DOK6: variants seen among roughly 807,000 people sequenced by gnomAD.
DOK6 encodes the protein docking protein 6.
In DOK6, 22 loss-of-function variants were observed where a neutral mutation model predicts 44.0. That is an observed-to-expected ratio of 0.50 (90% CI 0.36 to 0.71). DOK6 has a LOEUF of 0.71. DOK6 is among the 30% of genes least tolerant of loss of function. The probability of loss-of-function intolerance (pLI) is 0.00; values close to 1 mark genes in which losing one functional copy is unlikely to be tolerated. For missense variants in DOK6, 340 were observed against 416.4 expected, an observed-to-expected ratio of 0.82 and a Z score of 1.60; for synonymous variants, 166 against 145.5, an observed-to-expected ratio of 1.14 and a Z score of -1.01.
chr18:69,735,918 G>A lies in DOK6; in HGVS notation c.600-3047G>A, dbSNP rs1978590175. Among the ~76,000 whole-genome samples the A allele has an allele frequency of 2.6e-5, 4 of 152,174 alleles. No individual in the cohort carries two copies. The South Asian group carries it at 8.3e-4, about 31-fold the overall frequency. ...GTGCCTGCTAAGTTAACCCCTTCCT[G>A]CCCACTATCACATATATTACTTCAT... On this transcript the variant is annotated intron_variant, in intron 5 of 7. Transcript: ENST00000382713.
At chr18:69,556,200 T>C (rs1982681427) in intron 1 of DOK6, among the ~76,000 whole-genome samples, 1 of 152,178 alleles carries the variant, frequency 6.6e-6, no homozygotes, top group Admixed American at 6.6e-5. Context: ...TGTCCCTGTC[T>C]CTCTCAACTC....
chr18:69,605,961 G>A (rs987441219), intron 3 of DOK6, among the ~76,000 whole-genome samples: 5 of 151,976 alleles, frequency 3.3e-5, no homozygotes, highest in Non-Finnish European at 7.4e-5. Context: ...TTTTGAAGGC[G>A]ACATGATTGT....
chr18:69,793,185 G>A (rs1980648775), intron 7 of DOK6, among the ~76,000 whole-genome samples: 1 of 152,076 alleles, frequency 6.6e-6, no homozygotes, highest in African/African-American at 2.4e-5. Flanking sequence ...TTGACTTATA[G>A]TTTTCTGGTG....
chr18:69,431,748 C>T (rs527681942), intron 1 of DOK6, among the ~76,000 whole-genome samples: 1 of 151,948 alleles, frequency 6.6e-6, no homozygotes, highest in Non-Finnish European at 1.5e-5. Context: ...TTGAAATCTC[C>T]CCACCCCATG....
chr18:69,506,751 A>G (rs1981198617), intron 1 of DOK6, among the ~76,000 whole-genome samples: 1 of 152,090 alleles, frequency 6.6e-6, no homozygotes, highest in Non-Finnish European at 1.5e-5. Flanking sequence ...TTCTTGATAA[A>G]TACCCAGACG....
chr18:69,802,332 C>T (rs558952667), intron 7 of DOK6, among the ~76,000 whole-genome samples: 3 of 152,248 alleles, frequency 2.0e-5, no homozygotes, highest in East Asian at 1.9e-4. Flanking sequence ...CGGTACGCTC[C>T]TTGACTGATA....
At chr18:69,640,748 T>C (rs1222271564) in intron 3 of DOK6, among the ~76,000 whole-genome samples, 1 of 152,158 alleles carries the variant, frequency 6.6e-6, no homozygotes, top group Non-Finnish European at 1.5e-5. Context: ...CAAGACCATA[T>C]AAGGAAATAA....
rs571086455 is a variant in DOK6, at chr18:69,813,300, T to G, written c.857-27944T>G. ...AGGGAAAAATATACATGTAATTAAT[T>G]GAAAGTTGTCACTGTGTGGGAGTTT... is the stretch of plus-strand genomic sequence containing the variant. On this transcript the variant is annotated intron_variant, in intron 7 of 7. Coordinates refer to ENST00000382713, the MANE Select transcript of DOK6 (RefSeq NM_152721.6). Among the ~76,000 whole-genome samples, 9 of 152,308 alleles carry G rather than the reference T, an allele frequency of 5.9e-5. No individual in the cohort carries two copies. The South Asian group carries it at 1.9e-3, about 32-fold the overall frequency.
chr18:69,623,336 A>G (rs2144640089), intron 3 of DOK6, among the ~76,000 whole-genome samples: 1 of 152,296 alleles, frequency 6.6e-6, no homozygotes, highest in South Asian at 2.1e-4. Flanking sequence ...ACAGACTAAT[A>G]CACCACACTT....
chr18:69,642,856 T>G (rs1331969184), intron 3 of DOK6, among the ~76,000 whole-genome samples: 2 of 152,234 alleles, frequency 1.3e-5, no homozygotes, highest in African/African-American at 2.4e-5. Flanking sequence ...AACTTTCTTT[T>G]TGTAATTAAT....
chr18:69,418,293 T>C (rs550670695), intron 1 of DOK6, among the ~76,000 whole-genome samples: 3 of 152,250 alleles, frequency 2.0e-5, no homozygotes, highest in African/African-American at 7.2e-5. Flanking sequence ...TTTTGGTGTT[T>C]GTTTTTGACT....
intron 1 of DOK6, among the ~76,000 whole-genome samples, chr18:69,427,678 C>T (rs772756366): frequency 1.9e-4 from 29 of 152,066 alleles, no homozygotes; most frequent in Non-Finnish European, 3.8e-4. Context: ...CAGCACTATT[C>T]ACAACAGCAA....
At chr18:69,415,804 A>G (rs1433746527) in intron 1 of DOK6, among the ~76,000 whole-genome samples, 3 of 152,088 alleles carry the variant, frequency 2.0e-5, no homozygotes, top group Non-Finnish European at 4.4e-5. Context: ...AAAAATATTT[A>G]CCTCAACCTT....
intron 1 of DOK6, among the ~76,000 whole-genome samples, chr18:69,430,755 T>A (rs577959902): frequency 4.1e-4 from 62 of 152,180 alleles, no homozygotes; most frequent in African/African-American, 1.3e-3. Flanking sequence ...TCACCTGAGT[T>A]CAAGAGTTTG....
intron 1 of DOK6, among the ~76,000 whole-genome samples, chr18:69,448,178 C>G (rs1046162112): frequency 2.0e-5 from 3 of 152,174 alleles, no homozygotes; most frequent in Non-Finnish European, 4.4e-5. Flanking sequence ...TACACTGATG[C>G]AGCAAATTCT....
rs562085579 is a variant in DOK6, at chr18:69,545,435, T to C, written c.67-19052T>C. Among the ~76,000 whole-genome samples, 58 of 149,248 alleles carry C rather than the reference T, an allele frequency of 3.9e-4. 1 individual carries two copies. Among genetic ancestry groups the C allele is most frequent in the Admixed American group, 7.4e-4 (11 of 14,898 alleles). ...CATTTCTGTCTGTAAATTTAAGCCA[T>C]GTGTGTATTTTCTCCTGGTATTTCA... On this transcript the variant is annotated intron_variant, in intron 1 of 7. Coordinates refer to ENST00000382713, the MANE Select transcript of DOK6 (RefSeq NM_152721.6).
Position 69,526,654 on chromosome 18 carries a change from C to A in DOK6, c.67-37833C>A, listed in dbSNP as rs892122297. On this transcript the variant is annotated intron_variant, in intron 1 of 7. Coordinates refer to ENST00000382713, the MANE Select transcript of DOK6 (RefSeq NM_152721.6). ...TACAGAAATATGCCACATTTCTTTT[C>A]TTAGTGATTTCTAATTTCTTCCCAT... Among the ~76,000 whole-genome samples, 4 of 152,138 alleles carry A rather than the reference C, an allele frequency of 2.6e-5. No individual in the cohort carries two copies. The East Asian group carries it at 7.7e-4, about 29-fold the overall frequency.
chr18:69,690,255 G>A (rs959928338), intron 4 of DOK6, among the ~76,000 whole-genome samples: 2 of 151,834 alleles, frequency 1.3e-5, no homozygotes, highest in South Asian at 2.1e-4. Context: ...AGTGATCTTC[G>A]ACACTGAGCA....
At chr18:69,628,007 G>A (rs1984598435) in intron 3 of DOK6, among the ~76,000 whole-genome samples, 2 of 152,114 alleles carry the variant, frequency 1.3e-5, no homozygotes, top group Admixed American at 6.5e-5. Flanking sequence ...TGAATTTTAT[G>A]CATAATGTAC....
Sources: allele counts gnomAD v4.1 joint callset (sites outside exome capture counted in the v4.1 genomes callset), GRCh38; gene constraint gnomAD v4.1.1; transcripts MANE v1.5; gene names NCBI Gene and HGNC (gene_info 2026-07-23, HGNC 2026-07-21).